The following GMDS variants were observed in gnomAD, a reference collection of about 807,000 sequenced individuals.
GMDS encodes GDP-mannose 4,6-dehydratase.
Under a neutral mutation model 49.9 loss-of-function variants are expected in GMDS, and 20 were observed. That is an observed-to-expected ratio of 0.40 (90% CI 0.28 to 0.58). The LOEUF (loss-of-function observed/expected upper bound fraction) is 0.58, where lower values mean the gene tolerates loss of function less well. Among genes scored for constraint, GMDS ranks in the 20% least tolerant of loss-of-function variants. The probability of loss-of-function intolerance (pLI) is 0.42; values close to 1 mark genes in which losing one functional copy is unlikely to be tolerated. For missense variants in GMDS, 362 were observed against 481.4 expected, an observed-to-expected ratio of 0.75 and a Z score of 2.32; for synonymous variants, 177 against 178.6, an observed-to-expected ratio of 0.99 and a Z score of 0.07.
chr6:1,924,080 T>C (rs1372791621), intron 7 of GMDS, among the ~76,000 whole-genome samples: 1 of 152,248 alleles, frequency 6.6e-6, no homozygotes, highest in African/African-American at 2.4e-5. Flanking sequence ...ATACAGCCAA[T>C]AGCATAGGTT....
At chr6:2,105,333 C>T (rs1043658945) in intron 4 of GMDS, among the ~76,000 whole-genome samples, 12 of 151,972 alleles carry the variant, frequency 7.9e-5, no homozygotes, top group African/African-American at 2.4e-5. Flanking sequence ...ACATAATAAT[C>T]GACTAACTTC....
intron 6 of GMDS, among the ~76,000 whole-genome samples, chr6:1,941,368 A>G (rs1211560727): frequency 6.9e-6 from 1 of 144,550 alleles, no homozygotes; most frequent in Non-Finnish European, 1.5e-5. Context: ...CTGATGCTAT[A>G]ATGTTTACAG....
At chr6:1,743,162 T>C (rs1010022938) in intron 7 of GMDS, among the ~76,000 whole-genome samples, 2 of 152,184 alleles carry the variant, frequency 1.3e-5, no homozygotes, top group Non-Finnish European at 2.9e-5. Flanking sequence ...GTACTACTAT[T>C]ATAAAAAAGC....
intron 7 of GMDS, among the ~76,000 whole-genome samples, chr6:1,747,328 T>C (rs1447532918): frequency 6.6e-6 from 1 of 152,200 alleles, no homozygotes; most frequent in Non-Finnish European, 1.5e-5. Flanking sequence ...AAACACTTAT[T>C]AACTGAGCTG....
chr6:2,142,769 G>A (rs762843426), intron 1 of GMDS, among the ~76,000 whole-genome samples: 5 of 152,090 alleles, frequency 3.3e-5, no homozygotes, highest in Non-Finnish European at 7.4e-5. Context: ...CAAGGTGGCC[G>A]GGCAAGTTTG....
intron 9 of GMDS, among the ~76,000 whole-genome samples, chr6:1,715,213 G>A (rs12111369): frequency 6.6e-6 from 1 of 152,212 alleles, no homozygotes; most frequent in African/African-American, 2.4e-5. Context: ...AGTGTAAGTT[G>A]TGAGTGAACT....
intron 1 of GMDS, among the ~76,000 whole-genome samples, chr6:2,136,906 C>CAAAAA (rs3049649): frequency 7.0e-5 from 9 of 127,942 alleles, no homozygotes; most frequent in Non-Finnish European, 8.3e-5. Flanking sequence ...TCATTTCAAA[C>CAAAAA]AAAAAAAAAA....
intron 9 of GMDS, among the ~76,000 whole-genome samples, chr6:1,688,798 T>C (rs1479132656): frequency 6.6e-6 from 1 of 152,240 alleles, no homozygotes; most frequent in Non-Finnish European, 1.5e-5. Context: ...GGGTACTGCC[T>C]TTTCCAATTG....
At chr6:2,071,686 A>T (rs1352027902) in intron 4 of GMDS, among the ~76,000 whole-genome samples, 7 of 128,318 alleles carry the variant, frequency 5.5e-5, no homozygotes, top group Non-Finnish European at 5.4e-5. Context: ...TTCACATTTA[A>T]AAAAAAAAAA....
intron 7 of GMDS, among the ~76,000 whole-genome samples, chr6:1,854,031 C>A (rs1757833591): frequency 1.3e-5 from 2 of 152,156 alleles, no homozygotes; most frequent in Non-Finnish European, 1.5e-5. Flanking sequence ...TCAAGCAGGG[C>A]AGCTAAGGTT....
chr6:2,047,895 G>A (rs540016739), intron 4 of GMDS, among the ~76,000 whole-genome samples: 2 of 152,326 alleles, frequency 1.3e-5, no homozygotes, highest in South Asian at 4.2e-4. Context: ...GAAATTACAT[G>A]TAGTGTTAGA....
chr6:1,758,760 G>GC (rs1287456931), intron 7 of GMDS, among the ~76,000 whole-genome samples: 5 of 152,190 alleles, frequency 3.3e-5, no homozygotes, highest in Non-Finnish European at 7.3e-5. Flanking sequence ...CTAAGCTCCA[G>GC]CCCCACTATT....
At chr6:2,163,771 C>T (rs956161437) in intron 1 of GMDS, among the ~76,000 whole-genome samples, 3 of 152,196 alleles carry the variant, frequency 2.0e-5, no homozygotes, top group East Asian at 1.9e-4. Flanking sequence ...ACAGGCTGAG[C>T]GCTGCCACTT....
intron 4 of GMDS, among the ~76,000 whole-genome samples, chr6:1,983,664 A>G (rs1188126219): frequency 1.3e-5 from 2 of 152,236 alleles, no homozygotes; most frequent in African/African-American, 4.8e-5. Flanking sequence ...AATCAAAACC[A>G]CAATGAGATA....
intron 4 of GMDS, among the ~76,000 whole-genome samples, chr6:1,983,807 T>C (rs1234910586): frequency 6.6e-6 from 1 of 152,050 alleles, no homozygotes; most frequent in Non-Finnish European, 1.5e-5. Context: ...TGGAAGACAG[T>C]GTGGTAATTC....
At chr6:2,001,293 T>C (rs1766804934) in intron 4 of GMDS, among the ~76,000 whole-genome samples, 1 of 152,220 alleles carries the variant, frequency 6.6e-6, no homozygotes, top group Non-Finnish European at 1.5e-5. Flanking sequence ...AAATCTTTTT[T>C]GGAGAAATGT....
chr6:2,064,386 A>T (rs1771399084), intron 4 of GMDS, among the ~76,000 whole-genome samples: 1 of 152,200 alleles, frequency 6.6e-6, no homozygotes, highest in South Asian at 2.1e-4. Context: ...GAAGTGTGGG[A>T]GGAGGAAGAG....
At chr6:1,892,859 C>T (rs964943424) in intron 7 of GMDS, among the ~76,000 whole-genome samples, 1 of 152,190 alleles carries the variant, frequency 6.6e-6, no homozygotes, top group Non-Finnish European at 1.5e-5. Flanking sequence ...TGACTTGCAG[C>T]TGCAGTTTCC....
chr6:2,127,783 G>A (rs538567777), intron 1 of GMDS, among the ~76,000 whole-genome samples: 3 of 152,338 alleles, frequency 2.0e-5, no homozygotes, highest in South Asian at 2.1e-4. Flanking sequence ...GCAGGCAGAC[G>A]TCCGCCAAGC....
Sources: allele counts gnomAD v4.1 joint callset (sites outside exome capture counted in the v4.1 genomes callset), GRCh38; gene constraint gnomAD v4.1.1; transcripts MANE v1.5; gene names NCBI Gene and HGNC (gene_info 2026-07-23, HGNC 2026-07-21).